The following PDZD8 variants were observed in gnomAD, a reference collection of about 807,000 sequenced individuals.
PDZD8 encodes PDZ domain-containing protein 8.
In PDZD8, 14 loss-of-function variants were observed where a neutral mutation model predicts 85.8. The ratio of observed to expected loss-of-function variants is 0.16; its 90% CI spans 0.11 to 0.26. The LOEUF (loss-of-function observed/expected upper bound fraction) is 0.26, where lower values mean the gene tolerates loss of function less well. PDZD8 is among the 10% of genes least tolerant of loss of function. The probability of loss-of-function intolerance (pLI) is 1.00; values close to 1 mark genes in which losing one functional copy is unlikely to be tolerated. For missense variants in PDZD8, 1,197 were observed against 1,424.3 expected (o/e 0.84, Z 2.57); for synonymous variants, 592 against 568.6 (o/e 1.04, Z -0.59).
intron 3 of PDZD8, among the ~76,000 whole-genome samples, chr10:117,305,047 T>C (rs1020484901): frequency 1.3e-5 from 2 of 152,270 alleles, no homozygotes; most frequent in Middle Eastern, 3.4e-3. Flanking sequence ...ACAAATACCA[T>C]ATTTTTCATC....
Position 117,278,767 on chromosome 10 carries a change from A to G in PDZD8, c.*4501T>C, listed in dbSNP as rs1284241653. ...CATGAAGCTTTTCTGTGGGGCTTCG[A>G]TTATTTCAAGTCTGGTTTCTAAGTG... On this transcript the variant is annotated 3_prime_UTR_variant, in exon 5 of 5. Coordinates refer to ENST00000334464, the MANE Select transcript of PDZD8 (RefSeq NM_173791.5). The G allele has an allele frequency of 6.6e-6, 1 of 152,200 alleles. No homozygotes were observed. The highest frequency in any genetic ancestry group is 1.5e-5 in the Non-Finnish European group (1 of 68,032). The allele number at this position is 152,200 out of a possible 1,614,324, so 9.4% of individuals were successfully genotyped here.
chr10:117,361,117 A>G (rs1276195566), intron 1 of PDZD8, among the ~76,000 whole-genome samples: 2 of 152,196 alleles, frequency 1.3e-5, no homozygotes, highest in Non-Finnish European at 2.9e-5. Flanking sequence ...TGAGAAAGGC[A>G]GATAACATTT....
chr10:117,303,973 C>G (rs1455635470), intron 3 of PDZD8, among the ~76,000 whole-genome samples: 1 of 152,236 alleles, frequency 6.6e-6, no homozygotes, highest in East Asian at 1.9e-4. Context: ...TCAGAGCCCC[C>G]CACACAGAGT....
chr10:117,294,140 C>T (rs1019832965), intron 3 of PDZD8, among the ~76,000 whole-genome samples: 1 of 151,740 alleles, frequency 6.6e-6, no homozygotes, highest in South Asian at 2.1e-4. Flanking sequence ...AGAAATTAAA[C>T]CCCAAAGTAG....
At chr10:117,312,148 C>T (rs1158822456) in intron 3 of PDZD8, among the ~76,000 whole-genome samples, 1 of 152,040 alleles carries the variant, frequency 6.6e-6, no homozygotes, top group Non-Finnish European at 1.5e-5. Context: ...AGGTCTAACA[C>T]AAGCAGAGAT....
intron 1 of PDZD8, among the ~76,000 whole-genome samples, chr10:117,353,481 T>C (rs1205296412): frequency 6.6e-6 from 1 of 152,130 alleles, no homozygotes; most frequent in East Asian, 1.9e-4. Flanking sequence ...TAAAAATCCA[T>C]GCTAGTTTAT....
intron 1 of PDZD8, among the ~76,000 whole-genome samples, chr10:117,365,110 T>C (rs1334359575): frequency 7.1e-6 from 1 of 140,476 alleles, no homozygotes; most frequent in African/African-American, 2.6e-5. Flanking sequence ...CTCAATACTA[T>C]ACAAATATAT....
At chr10:117,318,754 C>T (rs1054608044) in intron 3 of PDZD8, 118 bp downstream of exon 3, 1 of 633,790 alleles carries the variant, frequency 1.6e-6, no homozygotes, top group Non-Finnish European at 2.7e-6. Flanking sequence ...TAAATAAGAA[C>T]TGTTCATAGC....
chr10:117,349,655 C>T (rs1186059877), intron 1 of PDZD8, among the ~76,000 whole-genome samples: 2 of 151,864 alleles, frequency 1.3e-5, no homozygotes, highest in Non-Finnish European at 2.9e-5. Context: ...ATACAAAAAC[C>T]AGCTGGGCAT....
At chr10:117,352,805 C>A (rs752640161) in intron 1 of PDZD8, among the ~76,000 whole-genome samples, 1 of 152,106 alleles carries the variant, frequency 6.6e-6, no homozygotes, top group Non-Finnish European at 1.5e-5. Flanking sequence ...CTGGCCACAC[C>A]ACAGGGGAGA....
At chr10:117,358,461 C>A (rs1377246100) in intron 1 of PDZD8, among the ~76,000 whole-genome samples, 1 of 152,046 alleles carries the variant, frequency 6.6e-6, no homozygotes, top group Non-Finnish European at 1.5e-5. Context: ...TCCCCCTCAT[C>A]TCCCCTCTCT....
chr10:117,282,972 T>C lies in PDZD8; in HGVS notation c.*296A>G. On this transcript the variant is annotated 3_prime_UTR_variant, in exon 5 of 5. Coordinates refer to ENST00000334464, the MANE Select transcript of PDZD8 (RefSeq NM_173791.5). The stretch of plus-strand genomic sequence containing the variant: ...AACACAAGGGGACACCATACATACA[T>C]AAACATGAAAAGCTAGCTTACATAA... 3.2e-6 allele frequency: 1 copy of C among 311,946 alleles called. No individual in the cohort carries two copies. Among genetic ancestry groups the C allele is most frequent in the Admixed American group, 4.5e-5 (1 of 22,078 alleles). 19.3% of individuals were successfully genotyped at this position (311,946 alleles called of 1,614,324 possible). A position where few individuals can be genotyped will look rare whatever the true frequency, so the allele number is the denominator to read the frequency against.
intron 2 of PDZD8, 66 bp from the exon 3 acceptor site, chr10:117,319,040 G>C (rs2133810237): frequency 9.1e-7 from 1 of 1,094,892 alleles, no homozygotes; most frequent in East Asian, 2.5e-5. Context: ...TTTTCTTTCT[G>C]ATTATTATAA....
At chr10:117,354,740 G>A (rs1002926759) in intron 1 of PDZD8, among the ~76,000 whole-genome samples, 2 of 152,088 alleles carry the variant, frequency 1.3e-5, no homozygotes, top group African/African-American at 2.4e-5. Flanking sequence ...GCTTTCAGTC[G>A]GAAAGTTTTG....
chr10:117,374,578 T>C lies in PDZD8; in HGVS notation c.650A>G (p.Tyr217Cys). ...CACGCGGGACAGCTTGACAAACAAGTAGGCGGACTTGCCGAAGACCAGGTC... is the reference window on the plus strand; with the variant it reads ...CACGCGGGACAGCTTGACAAACAAGCAGGCGGACTTGCCGAAGACCAGGTC... ...DVDLVFGKSAYLFVKLSRVVG... is the reference protein window; with the variant it reads ...DVDLVFGKSACLFVKLSRVVG... Residue 217 changes from tyrosine to cysteine, a missense_variant, in exon 1 of 5, where the codon TAC (tyrosine) becomes TGC (cysteine). Physicochemically the swap from Tyr to Cys is radical, Grantham distance 194 (BLOSUM62 -2). This residue lies in a region of PDZD8 where 344 missense variants were observed against 453.6 expected (regional missense o/e 0.76). Transcript: ENST00000334464. This position sits in a 1 kb window ranked among gnomAD's most constrained non-coding sequence, Gnocchi z 7.8. The C allele has an allele frequency of 1.3e-6, 2 of 1,595,610 alleles. No individual in the cohort carries two copies. The highest frequency in any genetic ancestry group is 1.7e-6 in the Non-Finnish European group (2 of 1,170,754).
intron 1 of PDZD8, among the ~76,000 whole-genome samples, chr10:117,370,056 G>C (rs1845162475): frequency 6.6e-6 from 1 of 151,994 alleles, no homozygotes; most frequent in Non-Finnish European, 1.5e-5. Flanking sequence ...AAGAACATTA[G>C]TGGTAATCTT....
At chr10:117,322,652 A>G (rs533594327) in intron 2 of PDZD8, among the ~76,000 whole-genome samples, 1 of 152,184 alleles carries the variant, frequency 6.6e-6, no homozygotes, top group Non-Finnish European at 1.5e-5. Flanking sequence ...GAGAGGCCTC[A>G]GGTGTCTGGT....
At position 117,284,133 on chromosome 10, in the gene PDZD8, G is replaced by A; in HGVS notation, c.2600C>T (p.Ser867Phe). The change falls in exon 5 of 5, where the codon TCC (serine) becomes TTC (phenylalanine). Residue 867 changes from serine to phenylalanine, a missense_variant. Coordinates refer to ENST00000334464, the MANE Select transcript of PDZD8 (RefSeq NM_173791.5). ...CKKKVWTKAA[S>F]QCMFCAYVCH... ...AACATAAGCACAAAACATACACTGG[G>A]AAGCTGCTTTAGTCCAAACTTTTTT... 3 of 1,614,130 alleles carry A rather than the reference G, an allele frequency of 1.9e-6. No individual in the cohort carries two copies. Among genetic ancestry groups the A allele is most frequent in the Non-Finnish European group, 2.5e-6 (3 of 1,180,024 alleles).
chr10:117,290,349 C>T lies in PDZD8; in HGVS notation c.1099-1G>A. The T allele has an allele frequency of 6.3e-7, 1 of 1,591,954 alleles. No individual in the cohort carries two copies. Among genetic ancestry groups the T allele is most frequent in the Non-Finnish European group, 8.6e-7 (1 of 1,168,520 alleles). Reference sequence around the variant, plus strand: ...GTAAATTTCCTTTTATTAATTCAACCTTTGATAAAGGGGAAAAAAATGAAA... The same window carrying T: ...GTAAATTTCCTTTTATTAATTCAACTTTTGATAAAGGGGAAAAAAATGAAA... On this transcript the variant is annotated splice_acceptor_variant, in intron 3 of 4. Coordinates refer to ENST00000334464, the MANE Select transcript of PDZD8 (RefSeq NM_173791.5). LOFTEE classifies it high-confidence loss of function.
Sources: allele counts gnomAD v4.1 joint callset (sites outside exome capture counted in the v4.1 genomes callset), GRCh38; gene constraint gnomAD v4.1.1; regional missense constraint gnomAD v4.1.1; non-coding constraint Gnocchi (gnomAD v3.1); transcripts MANE v1.5; gene names NCBI Gene and HGNC (gene_info 2026-07-23, HGNC 2026-07-21).